TBCD: variants seen among roughly 807,000 people sequenced by gnomAD.
TBCD encodes the protein tubulin-specific chaperone D.
TBCD carries 105 observed loss-of-function variants against 169.3 expected under a neutral mutation model. The observed-to-expected ratio is 0.62, with a 90% CI of 0.53 to 0.73. The LOEUF (loss-of-function observed/expected upper bound fraction) is 0.73. TBCD is among the 30% of genes least tolerant of loss of function. TBCD has a pLI of 0.00. For synonymous variants in TBCD, 700 were observed against 643.9 expected, an observed-to-expected ratio of 1.09 and a Z score of -1.32; for missense variants, 1,444 against 1,600.1, an observed-to-expected ratio of 0.90 and a Z score of 1.66.
chr17:82,927,972 C>G lies in TBCD; in HGVS notation c.2677C>G (p.Leu893Val), dbSNP rs751053770. The G allele has an allele frequency of 3.7e-6, 6 of 1,611,828 alleles. No individual in the cohort carries two copies. Among genetic ancestry groups the G allele is most frequent in the Middle Eastern group, 1.7e-4 (1 of 6,058 alleles). The change falls in exon 30 of 39, where the codon CTG (leucine) becomes GTG (valine). Residue 893 changes from leucine (L) to valine (V), a missense_variant. Leu to Val is a conservative substitution (Grantham distance 32). Transcript: ENST00000355528. The stretch of plus-strand genomic sequence containing the variant: ...TCTGCTGGCTCGGAGCCAGCCTGAG[C>G]TGATCGAGGCCCATACGTGAGTGTC... ...TLLLARSQPE[L>V]IEAHTCERIM...
At chr17:82,853,588 G>A (rs1338037615) in intron 13 of TBCD, among the ~76,000 whole-genome samples, 2 of 144,898 alleles carry the variant, frequency 1.4e-5, no homozygotes, top group African/African-American at 5.1e-5. Flanking sequence ...TTTTTTTTTT[G>A]TAGAGACGGT....
At position 82,835,195 on chromosome 17, in the gene TBCD, C is replaced by G. The variant is rs1049593702; in HGVS notation, c.1318+20261C>G. 6.6e-6 allele frequency among the ~76,000 whole-genome samples: 1 copy of G among 152,072 alleles called. No individual in the cohort carries two copies. Among genetic ancestry groups the G allele is most frequent in the African/African-American group, 2.4e-5 (1 of 41,390 alleles). ...TGTAGACATCAGGGTGGCTAAAAGT[C>G]AAGTGAAAAGCCGCCCCTTGAAAAT... On this transcript the variant is annotated intron_variant, in intron 13 of 38. Transcript: ENST00000355528. The surrounding 1 kb of genome is among the most constrained non-coding windows in gnomAD (Gnocchi z 4.5).
intron 13 of TBCD, among the ~76,000 whole-genome samples, chr17:82,821,952 T>G (rs1281369659): frequency 6.6e-6 from 1 of 152,224 alleles, no homozygotes; most frequent in African/African-American, 2.4e-5. Flanking sequence ...ATGTTATAAA[T>G]TTTGAAAAAT....
At position 82,842,780 on chromosome 17, in the gene TBCD, CTTTTTTTT is replaced by C. The variant is rs375870095; in HGVS notation, c.1319-27433_1319-27426del. On this transcript the variant is annotated intron_variant, in intron 13 of 38. Coordinates refer to ENST00000355528, the MANE Select transcript of TBCD (RefSeq NM_005993.5). Reference sequence around the variant, plus strand: ...CAAGTGTTCTTCATTTTCTTTCTTTCTTTTTTTTTTTTTTTTTTGAGATGGAATCTCGC... The same window carrying C: ...CAAGTGTTCTTCATTTTCTTTCTTTCTTTTTTTTTTGAGATGGAATCTCGC... Among the ~76,000 whole-genome samples the C allele has an allele frequency of 8.2e-3, 1,070 of 129,896 alleles. 12 individuals carry two copies. The highest frequency in any genetic ancestry group is 0.03 in the African/African-American group (1,031 of 34,732). The allele number at this position is 129,896 out of a possible 152,430, so 85.2% of individuals were successfully genotyped here. A position where few individuals can be genotyped will look rare whatever the true frequency, so the allele number is the denominator to read the frequency against.
chr17:82,868,830 C>T (rs1008406527), intron 13 of TBCD, among the ~76,000 whole-genome samples: 2 of 152,224 alleles, frequency 1.3e-5, no homozygotes, highest in African/African-American at 4.8e-5. Flanking sequence ...CCGGGAGTGC[C>T]TTTTCTCAGA....
chr17:82,891,101 C>T (rs2059106295), intron 16 of TBCD, among the ~76,000 whole-genome samples: 1 of 152,220 alleles, frequency 6.6e-6, no homozygotes. Context: ...TCCGCCATCA[C>T]TCTGTGTTCC....
At position 82,756,187 on chromosome 17, in the gene TBCD, G is replaced by A; in HGVS notation, c.207G>A (p.Glu69=). The change falls in exon 2 of 39, where the codon GAG becomes GAA. Residue 69 remains glutamate (E), a synonymous_variant. Transcript: ENST00000355528. ...TAGTAATAATGGACAAATACCAGGAGCAGCCTCATCTGTTGGACCCGCACC... is the reference window on the plus strand; with the variant it reads ...TAGTAATAATGGACAAATACCAGGAACAGCCTCATCTGTTGGACCCGCACC... The part of the protein sequence containing the change: ...RFRVIMDKYQ[E]QPHLLDPHLE... 6.2e-7 allele frequency: 1 copy of A among 1,610,378 alleles called. No homozygotes were observed. Among genetic ancestry groups the A allele is most frequent in the South Asian group, 1.1e-5 (1 of 90,370 alleles).
At chr17:82,887,171 G>GCGCGCA (rs2058802168) in intron 15 of TBCD, among the ~76,000 whole-genome samples, 1 of 66,374 alleles carries the variant, frequency 1.5e-5, no homozygotes, top group Non-Finnish European at 2.9e-5. Context: ...GTGTGTGTGC[G>GCGCGCA]CGCGCGCGCA....
chr17:82,800,831 C>T, intron 8 of TBCD, 33 bp from the exon 9 acceptor site: 1 of 1,591,450 alleles, frequency 6.3e-7, no homozygotes, highest in Non-Finnish European at 8.6e-7. Flanking sequence ...TGCCTGCAGC[C>T]CTTCCTGCGC....
chr17:82,886,543 A>T (rs1013556205), intron 15 of TBCD, among the ~76,000 whole-genome samples: 1 of 149,080 alleles, frequency 6.7e-6, no homozygotes, highest in African/African-American at 2.5e-5. Flanking sequence ...AAGATTTTAA[A>T]TCTTTTTCTT....
intron 13 of TBCD, among the ~76,000 whole-genome samples, chr17:82,816,679 G>A (rs1217377376): frequency 6.6e-6 from 1 of 151,702 alleles, no homozygotes; most frequent in Non-Finnish European, 1.5e-5. Context: ...GACCACCGGT[G>A]CCCACCACCA....
Position 82,814,896 on chromosome 17 carries a change from G to T in TBCD, c.1280G>T (p.Gly427Val), listed in dbSNP as rs2051740097. ...GGATGTCTGGCGCTGGCAGAGCTGG[G>T]CAGGAGAGGCCTGTTGCTGCCGTCT... The part of the protein sequence containing the change: ...HGGCLALAEL[G>V]RRGLLLPSRL... Residue 427 changes from glycine to valine, a missense_variant, in exon 13 of 39, where the codon GGC becomes GTC. Gly to Val is a moderately radical substitution (Grantham distance 109). Transcript: ENST00000355528. The T allele has an allele frequency of 3.1e-6, 5 of 1,613,126 alleles. No homozygotes were observed. The highest frequency in any genetic ancestry group is 1.7e-5 in the Admixed American group (1 of 59,942).
intron 17 of TBCD, among the ~76,000 whole-genome samples, chr17:82,897,332 A>T (rs2059555501): frequency 6.6e-6 from 1 of 152,068 alleles, no homozygotes. Flanking sequence ...ATCCTGGCCA[A>T]CATGGTGAAA....
rs763620900 is a variant in TBCD, at chr17:82,927,966, C to G, written c.2671C>G (p.Pro891Ala). 3 of 1,612,396 alleles carry G rather than the reference C, an allele frequency of 1.9e-6. No individual in the cohort carries two copies. Among genetic ancestry groups the G allele is most frequent in the Middle Eastern group, 1.7e-4 (1 of 6,058 alleles). ...GACACTTCTGCTGGCTCGGAGCCAG[C>G]CTGAGCTGATCGAGGCCCATACGTG... ...DLTLLLARSQ[P>A]ELIEAHTCER... The change falls in exon 30 of 39, where the codon CCT (proline) becomes GCT (alanine). Residue 891 changes from proline to alanine, a missense_variant. Pro to Ala is a conservative substitution (Grantham distance 27, BLOSUM62 -1). Transcript: ENST00000355528.
In TBCD at chr17:82,915,349, C is replaced by A. The variant is rs1460970018; in HGVS notation, c.2038+3560C>A. ...CTCAACCCTTGGGAGTCGTCTGCGT[C>A]CCCATATCAAAGAAATGTCATACAG... is the stretch of plus-strand genomic sequence containing the variant. On this transcript the variant is annotated intron_variant, in intron 23 of 38. Transcript: ENST00000355528. This position sits in a 1 kb window ranked among gnomAD's most constrained non-coding sequence, Gnocchi z 4.3. Among the ~76,000 whole-genome samples the A allele has an allele frequency of 6.6e-6, 1 of 152,134 alleles. No individual in the cohort carries two copies. Among genetic ancestry groups the A allele is most frequent in the African/African-American group, 2.4e-5 (1 of 41,414 alleles).
chr17:82,892,643 G>C (rs1306109124), intron 16 of TBCD, among the ~76,000 whole-genome samples: 4 of 152,174 alleles, frequency 2.6e-5, no homozygotes, highest in Non-Finnish European at 4.4e-5. Flanking sequence ...GTCAAGTGCA[G>C]GGTGGTGATG....
chr17:82,828,386 A>G (rs1439200366), intron 13 of TBCD, among the ~76,000 whole-genome samples: 1 of 44,510 alleles, frequency 2.2e-5, no homozygotes, highest in Non-Finnish European at 4.6e-5. Flanking sequence ...ACTCACAGAT[A>G]CATGCACACC....
rs1274996711 is a variant in TBCD at position 82,791,342 on chromosome 17, C to T, written c.772-6415C>T. Reference sequence around the variant, plus strand: ...TCCTGACCTCGTGATCTGCCTGCCTCGGCCTCCCAAAGTGCTGGGATTACA... The same window carrying T: ...TCCTGACCTCGTGATCTGCCTGCCTTGGCCTCCCAAAGTGCTGGGATTACA... On this transcript the variant is annotated intron_variant, in intron 7 of 38. Coordinates refer to ENST00000355528, the MANE Select transcript of TBCD (RefSeq NM_005993.5). Among the ~76,000 whole-genome samples, 7 of 152,172 alleles carry T rather than the reference C, an allele frequency of 4.6e-5. No individual in the cohort carries two copies. The South Asian group carries it at 6.2e-4, about 13-fold the overall frequency.
At chr17:82,829,788 A>G in intron 13 of TBCD, 1 of 250,154 alleles carries the variant, frequency 4.0e-6, no homozygotes, top group East Asian at 8.7e-5. Context: ...TCAAATATGC[A>G]GCTAGAGCTA....
Sources: gnomAD v4.1 joint callset for allele counts (sites outside exome capture counted in the v4.1 genomes callset) on GRCh38, gnomAD v4.1.1 for gene constraint, Gnocchi (gnomAD v3.1) non-coding constraint, MANE v1.5 for transcripts, NCBI Gene and HGNC (gene_info 2026-07-23, HGNC 2026-07-21) for gene names.